The following C2CD5 variants were observed in gnomAD, a reference collection of about 807,000 sequenced individuals.
C2CD5 encodes C2 calcium dependent domain containing 5.
In C2CD5, 109 loss-of-function variants were observed where a neutral mutation model predicts 130.3. The ratio of observed to expected loss-of-function variants is 0.84; its 90% CI spans 0.72 to 0.98. C2CD5 has a LOEUF of 0.98. Ranked by LOEUF, C2CD5 falls within the 50% of genes least tolerant of loss-of-function variation. The pLI is 0.00. For missense variants in C2CD5, 996 were observed against 1,261.8 expected, an observed-to-expected ratio of 0.79 and a Z score of 3.19; for synonymous variants, 454 against 429.2, an observed-to-expected ratio of 1.06 and a Z score of -0.71.
At chr12:22,541,154 CA>C (rs1168455829) in intron 2 of C2CD5, among the ~76,000 whole-genome samples, 10 of 152,208 alleles carry the variant, frequency 6.6e-5, no homozygotes, top group African/African-American at 2.4e-4. Flanking sequence ...CTAACATGCT[CA>C]AATGGAAAAT....
intron 10 of C2CD5, among the ~76,000 whole-genome samples, chr12:22,505,466 C>T (rs185315700): frequency 1.0e-3 from 156 of 152,066 alleles, no homozygotes; most frequent in African/African-American, 3.4e-3. Context: ...CCACTGTGTC[C>T]GGCCACCCTT....
At chr12:22,518,842 G>A (rs141092422) in intron 7 of C2CD5, among the ~76,000 whole-genome samples, 31 of 152,246 alleles carry the variant, frequency 2.0e-4, no homozygotes, top group Admixed American at 1.4e-3. Context: ...GGGAGGATTC[G>A]CCACAAAATT....
At chr12:22,473,197 T>C (rs1943317839) in intron 16 of C2CD5, among the ~76,000 whole-genome samples, 2 of 152,186 alleles carry the variant, frequency 1.3e-5, no homozygotes, top group Admixed American at 1.3e-4. Flanking sequence ...TAAAGACATA[T>C]CTAATAATAG....
At chr12:22,472,190 C>G in intron 18 of C2CD5, 96 bp downstream of exon 18, 1 of 862,584 alleles carries the variant, frequency 1.2e-6, no homozygotes, top group Admixed American at 2.7e-5. Flanking sequence ...ATTTTAATTG[C>G]AATAAGGAGG....
chr12:22,540,191 C>A (rs934047468), intron 2 of C2CD5, among the ~76,000 whole-genome samples: 3 of 152,160 alleles, frequency 2.0e-5, no homozygotes, highest in Non-Finnish European at 4.4e-5. Flanking sequence ...ATCTGAGATG[C>A]CAAAACTACA....
At position 22,537,158 on chromosome 12, in the gene C2CD5, A is replaced by C. The variant is rs148824811; in HGVS notation, c.91-1814T>G. On this transcript the variant is annotated intron_variant, in intron 2 of 26. Transcript: ENST00000446597. ...TTTGTCCCACTATAACAGTTGTGCT[A>C]TACTGTGCCTTTTTGTTGTTGTGCA... is the stretch of plus-strand genomic sequence containing the variant. 7.9e-3 allele frequency among the ~76,000 whole-genome samples: 1,201 copies of C among 152,334 alleles called. 13 individuals carry two copies. The highest frequency in any genetic ancestry group is 0.028 in the African/African-American group (1,148 of 41,572).
intron 10 of C2CD5, chr12:22,497,598 T>G (rs778889777): frequency 9.3e-6 from 9 of 971,082 alleles, no homozygotes; most frequent in Non-Finnish European, 1.1e-5. Context: ...ACATTCCAAC[T>G]GCTAACCTCT....
chr12:22,535,298 G>A lies in C2CD5; in HGVS notation c.137C>T (p.Ser46Leu), dbSNP rs1158283790. 1 of 1,606,958 alleles carries A rather than the reference G, an allele frequency of 6.2e-7. No homozygotes were observed. The highest frequency in any genetic ancestry group is 8.5e-7 in the Non-Finnish European group (1 of 1,174,200). The part of the protein sequence containing the change: ...TTFKTDVYLK[S>L]LNPQWNSEWF... ...CTCCGAGTTCCACTGAGGGTTGAGTGACTTAAGGTACACATCTGTTTTAAA... is the reference window on the plus strand; with the variant it reads ...CTCCGAGTTCCACTGAGGGTTGAGTAACTTAAGGTACACATCTGTTTTAAA... The change falls in exon 3 of 27, where the codon TCA becomes TTA. Residue 46 changes from serine to leucine, a missense_variant. Transcript: ENST00000446597.
At chr12:22,492,916 G>C (rs1008816394) in intron 11 of C2CD5, among the ~76,000 whole-genome samples, 2 of 152,126 alleles carry the variant, frequency 1.3e-5, no homozygotes, top group African/African-American at 4.8e-5. Context: ...AGGAAGCCTA[G>C]AGTTAATATT....
intron 9 of C2CD5, 97 bp from the exon 10 acceptor site, chr12:22,506,916 C>T: frequency 1.4e-6 from 1 of 719,090 alleles, no homozygotes; most frequent in Non-Finnish European, 2.5e-6. Flanking sequence ...TATTACATCC[C>T]TTGAAATAAA....
At chr12:22,528,248 T>C (rs572687034) in intron 3 of C2CD5, among the ~76,000 whole-genome samples, 1 of 152,184 alleles carries the variant, frequency 6.6e-6, no homozygotes, top group Non-Finnish European at 1.5e-5. Flanking sequence ...GTAGTATCTA[T>C]AGAGAGAAGA....
At position 22,457,115 on chromosome 12, in the gene C2CD5, C is replaced by T; in HGVS notation, c.2733G>A (p.Arg911=). ...KASPVGDGNF[R]NRSAPPCANS... ...TTGCACAAGGTGGAGCAGAACGATTCCGGAAATTTCCATCACCCACTGGAC... is the reference window on the plus strand; with the variant it reads ...TTGCACAAGGTGGAGCAGAACGATTTCGGAAATTTCCATCACCCACTGGAC... Residue 911 remains arginine, a synonymous_variant, in exon 25 of 27, where the codon CGG becomes CGA. Transcript: ENST00000446597. 1 of 1,610,148 alleles carries T rather than the reference C, an allele frequency of 6.2e-7. No homozygotes were observed. The highest frequency in any genetic ancestry group is 1.3e-5 in the African/African-American group (1 of 74,850).
At chr12:22,481,464 T>C (rs1360124470) in intron 14 of C2CD5, among the ~76,000 whole-genome samples, 2 of 152,114 alleles carry the variant, frequency 1.3e-5, no homozygotes, top group African/African-American at 4.8e-5. Flanking sequence ...TCAGATTCCA[T>C]ATGATCAATA....
chr12:22,542,489 G>A (rs1027393614), intron 2 of C2CD5, among the ~76,000 whole-genome samples: 28 of 152,208 alleles, frequency 1.8e-4, no homozygotes, highest in Admixed American at 1.6e-3. Flanking sequence ...CTCCAGACAC[G>A]TACTAAACTA....
chr12:22,539,866 C>A (rs901289876), intron 2 of C2CD5, among the ~76,000 whole-genome samples: 1 of 151,962 alleles, frequency 6.6e-6, no homozygotes, highest in Admixed American at 6.6e-5. Context: ...TGGTGGTGCA[C>A]TGGTAGTCCC....
chr12:22,521,184 T>C (rs1015041119), intron 7 of C2CD5, among the ~76,000 whole-genome samples: 5 of 152,074 alleles, frequency 3.3e-5, no homozygotes, highest in Non-Finnish European at 5.9e-5. Context: ...GGCTTTGAAA[T>C]AGAACCCAAA....
At chr12:22,472,159 A>G in intron 18 of C2CD5, 94 bp from the exon 19 acceptor site, 1 of 854,556 alleles carries the variant, frequency 1.2e-6, no homozygotes, top group Non-Finnish European at 1.9e-6. Flanking sequence ...ATACTAACTA[A>G]TGTAGTAGAA....
At chr12:22,476,874 C>T (rs1943916181) in intron 15 of C2CD5, among the ~76,000 whole-genome samples, 1 of 151,924 alleles carries the variant, frequency 6.6e-6, no homozygotes. Context: ...ATCATTTTTC[C>T]CAAGTGGCAT....
At chr12:22,492,660 A>G (rs1946499977) in intron 11 of C2CD5, among the ~76,000 whole-genome samples, 1 of 152,156 alleles carries the variant, frequency 6.6e-6, no homozygotes, top group African/African-American at 2.4e-5. Flanking sequence ...CATGTACTTT[A>G]AAGGAGGAGA....
Sources: gnomAD v4.1 joint callset for allele counts (sites outside exome capture counted in the v4.1 genomes callset) on GRCh38, gnomAD v4.1.1 for gene constraint, MANE v1.5 for transcripts, NCBI Gene and HGNC (gene_info 2026-07-23, HGNC 2026-07-21) for gene names.